CSMD1: variants seen among roughly 807,000 people sequenced by gnomAD.
CSMD1 encodes the protein CUB and sushi domain-containing protein 1.
CSMD1 carries 213 observed loss-of-function variants against 417.5 expected under a neutral mutation model. The ratio of observed to expected loss-of-function variants is 0.51; its 90% CI spans 0.46 to 0.57. CSMD1 has a LOEUF of 0.57. CSMD1 is among the 20% of genes least tolerant of loss of function. The pLI is 0.00. For synonymous variants in CSMD1, 2,862 were observed against 1,736.8 expected (o/e 1.65, Z -16.11); for missense variants, 6,923 against 4,529.7 (o/e 1.53, Z -15.17).
chr8:4,934,007 TA>T (rs1004757937), intron 1 of CSMD1, among the ~76,000 whole-genome samples: 9 of 150,728 alleles, frequency 6.0e-5, no homozygotes, highest in African/African-American at 2.2e-4. Flanking sequence ...GCTTTTTTTT[TA>T]AAAAAAAATG....
chr8:4,184,483 T>A (rs1373971911), intron 3 of CSMD1, among the ~76,000 whole-genome samples: 1 of 152,086 alleles, frequency 6.6e-6, no homozygotes, highest in Non-Finnish European at 1.5e-5. Context: ...AATGGCAGAC[T>A]GGATAAAGAA....
chr8:3,930,410 C>T (rs1416627659), intron 5 of CSMD1, among the ~76,000 whole-genome samples: 1 of 150,636 alleles, frequency 6.6e-6, no homozygotes, highest in Non-Finnish European at 1.5e-5. Context: ...TTATACTGGT[C>T]CAAGCAAGCA....
chr8:3,519,114 T>G (rs534366935), intron 10 of CSMD1, among the ~76,000 whole-genome samples: 1 of 152,180 alleles, frequency 6.6e-6, no homozygotes. Context: ...GTGCAAATAT[T>G]TGGGTACTGC....
intron 1 of CSMD1, among the ~76,000 whole-genome samples, chr8:4,776,620 AC>A (rs1481216551): frequency 6.6e-6 from 1 of 152,198 alleles, no homozygotes; most frequent in Non-Finnish European, 1.5e-5. Flanking sequence ...AGGTACTATC[AC>A]ATAGAAAATA....
At chr8:3,054,102 T>C (rs1812055231) in intron 49 of CSMD1, among the ~76,000 whole-genome samples, 2 of 152,206 alleles carry the variant, frequency 1.3e-5, no homozygotes. Flanking sequence ...CAAACGAGAC[T>C]ATTCTCTCTT....
At chr8:4,961,150 C>T (rs560981675) in intron 1 of CSMD1, among the ~76,000 whole-genome samples, 9 of 152,152 alleles carry the variant, frequency 5.9e-5, no homozygotes, top group African/African-American at 2.2e-4. Flanking sequence ...TTACCTTGAA[C>T]AACTTTTTGT....
chr8:3,161,329 A>G (rs1819878092), intron 38 of CSMD1, among the ~76,000 whole-genome samples: 1 of 152,006 alleles, frequency 6.6e-6, no homozygotes, highest in Non-Finnish European at 1.5e-5. Context: ...TATATAAAAA[A>G]CTCTTGGCTG....
In CSMD1 at chr8:3,179,235, G is replaced by A. The variant is rs150217812; in HGVS notation, c.5725+1875C>T. ...GCTGGGATTACAGGCGTGAGCCACC[G>A]CGCCCAGCCTATAATCTATATTTCA... On this transcript the variant is annotated intron_variant, in intron 37 of 69. Transcript: ENST00000635120. Among the ~76,000 whole-genome samples the A allele has an allele frequency of 5.0e-3, 762 of 152,158 alleles. 8 individuals are homozygous for A. Among genetic ancestry groups the A allele is most frequent in the Middle Eastern group, 0.024 (7 of 292 alleles).
At position 3,343,570 on chromosome 8, in the gene CSMD1, T is replaced by C. The variant is rs148907809; in HGVS notation, c.3475-120A>G. ...TTTAAACAATACTTAAAAAGGCATA[T>C]AGTTTACAGAAAGATAAATGAAGGA... On this transcript the variant is annotated intron_variant, in intron 22 of 69. Coordinates refer to ENST00000635120, the MANE Select transcript of CSMD1 (RefSeq NM_033225.6). 5.1e-4 allele frequency: 415 copies of C among 819,030 alleles called. 1 individual carries two copies. The African/African-American group carries it at 5.8e-3, about 11-fold the overall frequency. 50.7% of individuals were successfully genotyped at this position (819,030 alleles called of 1,614,324 possible).
chr8:4,232,269 G>A (rs375307575), intron 3 of CSMD1, among the ~76,000 whole-genome samples: 2 of 152,238 alleles, frequency 1.3e-5, no homozygotes, highest in South Asian at 2.1e-4. Context: ...CACGATCTTG[G>A]CTCACTGCAA....
intron 1 of CSMD1, among the ~76,000 whole-genome samples, chr8:4,683,487 G>C (rs185930420): frequency 6.6e-6 from 1 of 152,250 alleles, no homozygotes; most frequent in East Asian, 1.9e-4. Context: ...AAGTAGAGTG[G>C]ACAACAGGGG....
At chr8:4,310,076 G>A (rs913864543) in intron 3 of CSMD1, among the ~76,000 whole-genome samples, 1 of 152,152 alleles carries the variant, frequency 6.6e-6, no homozygotes, top group Non-Finnish European at 1.5e-5. Flanking sequence ...GGAATGCTAA[G>A]GTCTGCAATT....
intron 3 of CSMD1, among the ~76,000 whole-genome samples, chr8:4,126,044 T>C (rs1802745137): frequency 6.6e-6 from 1 of 152,012 alleles, no homozygotes; most frequent in African/African-American, 2.4e-5. Flanking sequence ...ACCAAGACTT[T>C]TAATCTGGCC....
intron 1 of CSMD1, among the ~76,000 whole-genome samples, chr8:4,894,256 A>T (rs1370100112): frequency 6.6e-6 from 1 of 152,192 alleles, no homozygotes; most frequent in Non-Finnish European, 1.5e-5. Flanking sequence ...TTGATCTTTT[A>T]CCTATCAAGT....
At chr8:4,288,281 G>C (rs551902987) in intron 3 of CSMD1, among the ~76,000 whole-genome samples, 3 of 152,140 alleles carry the variant, frequency 2.0e-5, no homozygotes, top group Non-Finnish European at 2.9e-5. Context: ...GGAACAGTAA[G>C]CTCCCTTTCC....
chr8:4,716,229 T>C (rs1298541913), intron 1 of CSMD1, among the ~76,000 whole-genome samples: 3 of 152,178 alleles, frequency 2.0e-5, no homozygotes, highest in African/African-American at 7.2e-5. Context: ...CAGAAGGCTG[T>C]CTGCCAAGAA....
At position 3,574,245 on chromosome 8, in the gene CSMD1, T is replaced by A. The variant is rs536782038; in HGVS notation, c.1344+700A>T. 3.3e-5 allele frequency among the ~76,000 whole-genome samples: 5 copies of A among 152,298 alleles called. No individual in the cohort carries two copies. In the South Asian group the frequency reaches 8.3e-4, roughly 25 times the overall value. ...AAACAATTCAAAAGACAGAATTGTT[T>A]TTTATCTTTTCTTGATATGGAGTCT... On this transcript the variant is annotated intron_variant, in intron 10 of 69. Transcript: ENST00000635120.
intron 1 of CSMD1, among the ~76,000 whole-genome samples, chr8:4,914,430 T>G (rs1805915332): frequency 6.6e-6 from 1 of 151,322 alleles, no homozygotes; most frequent in Admixed American, 6.6e-5. Flanking sequence ...ACAAAAAAAT[T>G]AACCGGGTGA....
chr8:4,083,108 A>G (rs1227474909), intron 3 of CSMD1, among the ~76,000 whole-genome samples: 1 of 152,130 alleles, frequency 6.6e-6, no homozygotes, highest in Non-Finnish European at 1.5e-5. Flanking sequence ...AGCATGATTT[A>G]TAGTCCTTTT....
Sources: allele counts gnomAD v4.1 joint callset (sites outside exome capture counted in the v4.1 genomes callset), GRCh38; gene constraint gnomAD v4.1.1; transcripts MANE v1.5; gene names NCBI Gene and HGNC (gene_info 2026-07-23, HGNC 2026-07-21).